The following THSD4 variants were observed in gnomAD, a reference collection of about 807,000 sequenced individuals.
THSD4 encodes thrombospondin type 1 domain containing 4, also known as thrombospondin type-1 domain-containing protein 4.
THSD4 carries 69 observed loss-of-function variants against 119.0 expected under a neutral mutation model. That is an observed-to-expected ratio of 0.58 (90% CI 0.48 to 0.71). The LOEUF (loss-of-function observed/expected upper bound fraction) is 0.71. THSD4 is among the 30% of genes least tolerant of loss of function. The pLI is 0.00. For synonymous variants in THSD4, 524 were observed against 540.4 expected, an observed-to-expected ratio of 0.97 and a Z score of 0.42; for missense variants, 1,393 against 1,391.1, an observed-to-expected ratio of 1.00 and a Z score of -0.02.
chr15:71,362,569 A>G (rs2045905796), intron 6 of THSD4, among the ~76,000 whole-genome samples: 1 of 152,216 alleles, frequency 6.6e-6, no homozygotes, highest in African/African-American at 2.4e-5. Context: ...GGAAGCAAAT[A>G]TGACAAAATG....
intron 7 of THSD4, among the ~76,000 whole-genome samples, chr15:71,577,094 A>C (rs936122775): frequency 1.6e-3 from 48 of 30,488 alleles, no homozygotes; most frequent in Non-Finnish European, 4.5e-3. Flanking sequence ...GTCCTAACAA[A>C]AAAAAAAAAA....
intron 8 of THSD4, among the ~76,000 whole-genome samples, chr15:71,723,056 A>G (rs1453648064): frequency 6.9e-6 from 1 of 144,116 alleles, no homozygotes; most frequent in African/African-American, 2.5e-5. Flanking sequence ...CGTTCTATGG[A>G]TGGACATTTA....
At chr15:71,326,514 T>C (rs1283420881) in intron 6 of THSD4, among the ~76,000 whole-genome samples, 2 of 148,452 alleles carry the variant, frequency 1.3e-5, no homozygotes, top group African/African-American at 5.0e-5. Context: ...CCGTCTCTAC[T>C]AAAAATACAA....
intron 7 of THSD4, among the ~76,000 whole-genome samples, chr15:71,536,878 G>A (rs1365672836): frequency 1.3e-5 from 2 of 151,548 alleles, no homozygotes; most frequent in African/African-American, 2.4e-5. Context: ...CACCATTTGT[G>A]GAAAAGACTA....
chr15:71,165,126 G>C (rs1285622147), intron 3 of THSD4: 13 of 1,610,530 alleles, frequency 8.1e-6, no homozygotes, highest in Non-Finnish European at 1.0e-5. Context: ...GCCGAAGGAG[G>C]CCTCTTGGGT....
intron 1 of THSD4, among the ~76,000 whole-genome samples, chr15:71,131,890 G>A (rs2040507178): frequency 6.6e-6 from 1 of 152,186 alleles, no homozygotes; most frequent in Non-Finnish European, 1.5e-5. Context: ...CCACCCGGAC[G>A]ATGGTGGAAT....
At chr15:71,646,585 A>T (rs148146408) in intron 7 of THSD4, among the ~76,000 whole-genome samples, 10 of 152,382 alleles carry the variant, frequency 6.6e-5, no homozygotes, top group African/African-American at 2.4e-4. Flanking sequence ...TAAATAAAAC[A>T]TAATATGCAT....
At chr15:71,736,395 C>CTCTCGCTCTCTGACTG (rs202235270) in intron 10 of THSD4, among the ~76,000 whole-genome samples, 61 of 151,998 alleles carry the variant, frequency 4.0e-4, no homozygotes, top group African/African-American at 1.4e-3. Flanking sequence ...CACTCTGTCT[C>CTCTCGCTCTCTGACTG]TCTCGCTCTC....
At chr15:71,742,719 C>T (rs2053260212) in intron 11 of THSD4, among the ~76,000 whole-genome samples, 1 of 152,068 alleles carries the variant, frequency 6.6e-6, no homozygotes, top group South Asian at 2.1e-4. Context: ...TATATTAAAA[C>T]TGACCCAAAG....
At chr15:71,351,922 A>G (rs944118406) in intron 6 of THSD4, among the ~76,000 whole-genome samples, 6 of 152,082 alleles carry the variant, frequency 3.9e-5, no homozygotes, top group African/African-American at 1.4e-4. Flanking sequence ...GAAACCCACT[A>G]CCTTCTGTCA....
rs189938341 is a variant in THSD4 at position 71,734,734 on chromosome 15, C to T, written c.1631-2998C>T. 4.0e-4 allele frequency among the ~76,000 whole-genome samples: 61 copies of T among 151,238 alleles called. 1 individual carries two copies. Among genetic ancestry groups the T allele is most frequent in the Non-Finnish European group, 4.4e-5 (3 of 67,906 alleles). On this transcript the variant is annotated intron_variant, in intron 10 of 17. Coordinates refer to ENST00000261862, the MANE Select transcript of THSD4 (RefSeq NM_024817.3). ...ATGATGGTAGTAAGGGACCCTGTGC[C>T]TGTGTGGTGGGAGGAGGTGTGTGGG... is the stretch of plus-strand genomic sequence containing the variant.
Position 71,777,359 on chromosome 15 carries a change from C to T in THSD4, c.3042C>T (p.Phe1014=). The change falls in exon 18 of 18, where the codon TTC becomes TTT. Residue 1014 remains phenylalanine (F), a synonymous_variant. Coordinates refer to ENST00000261862, the MANE Select transcript of THSD4 (RefSeq NM_024817.3). ...CTRVANRQTG[F]LGSR Reference sequence around the variant, plus strand: ...GTGTGGCCAACAGGCAGACGGGCTTCCTGGGGAGCAGATAACACTCCTGCA... The same window carrying T: ...GTGTGGCCAACAGGCAGACGGGCTTTCTGGGGAGCAGATAACACTCCTGCA... 6.2e-7 allele frequency: 1 copy of T among 1,614,002 alleles called. No individual in the cohort carries two copies. Among genetic ancestry groups the T allele is most frequent in the Non-Finnish European group, 8.5e-7 (1 of 1,180,002 alleles).
At chr15:71,130,674 G>T (rs575110863) in intron 1 of THSD4, among the ~76,000 whole-genome samples, 1 of 152,330 alleles carries the variant, frequency 6.6e-6, no homozygotes, top group South Asian at 2.1e-4. Context: ...TCATAGGGTT[G>T]TCTTTAGAAT....
At chr15:71,678,429 G>A (rs997466970) in intron 8 of THSD4, among the ~76,000 whole-genome samples, 3 of 152,122 alleles carry the variant, frequency 2.0e-5, no homozygotes, top group African/African-American at 7.2e-5. Context: ...TTCCTCGTGA[G>A]CATCAGAGCT....
At chr15:71,665,593 G>A (rs1474067712) in intron 8 of THSD4, among the ~76,000 whole-genome samples, 1 of 152,118 alleles carries the variant, frequency 6.6e-6, no homozygotes, top group African/African-American at 2.4e-5. Context: ...CCAGAATGGT[G>A]TTACCTAGGT....
At chr15:71,422,280 C>G (rs2046818862) in intron 7 of THSD4, among the ~76,000 whole-genome samples, 1 of 152,112 alleles carries the variant, frequency 6.6e-6, no homozygotes, top group African/African-American at 2.4e-5. Context: ...TCTGGGTTTG[C>G]TTGTACACAG....
At position 71,746,821 on chromosome 15, in the gene THSD4, T is replaced by C; in HGVS notation, c.2037-17T>C. ...TGAAGGTTGTCTCTCACTCTCGCTC[T>C]CTCATTCCTGAACCAGCTGGGACAT... On this transcript the variant is annotated splice_polypyrimidine_tract_variant and intron_variant, in intron 12 of 17. Coordinates refer to ENST00000261862, the MANE Select transcript of THSD4 (RefSeq NM_024817.3). 6.2e-7 allele frequency: 1 copy of C among 1,612,500 alleles called. No individual in the cohort carries two copies. The highest frequency in any genetic ancestry group is 8.5e-7 in the Non-Finnish European group (1 of 1,179,362).
At chr15:71,351,960 G>A (rs531650704) in intron 6 of THSD4, among the ~76,000 whole-genome samples, 1 of 152,294 alleles carries the variant, frequency 6.6e-6, no homozygotes, top group South Asian at 2.1e-4. Context: ...CACTTTGCCT[G>A]CCCTGGTTCT....
At chr15:71,722,698 A>C (rs1465907524) in intron 8 of THSD4, among the ~76,000 whole-genome samples, 1 of 152,232 alleles carries the variant, frequency 6.6e-6, no homozygotes, top group Non-Finnish European at 1.5e-5. Context: ...TAATACATGC[A>C]TATGGTAAAA....
Sources: gnomAD v4.1 joint callset for allele counts (sites outside exome capture counted in the v4.1 genomes callset) on GRCh38, gnomAD v4.1.1 for gene constraint, MANE v1.5 for transcripts, NCBI Gene and HGNC (gene_info 2026-07-23, HGNC 2026-07-21) for gene names.